Variants in ARL15 observed in about 807,000 individuals in gnomAD.
The protein encoded by ARL15 is ARF like GTPase 15, also known as ADP-ribosylation factor-like protein 15.
ARL15 carries 19 observed loss-of-function variants against 25.2 expected under a neutral mutation model. The ratio of observed to expected loss-of-function variants is 0.75; its 90% CI spans 0.53 to 1.10. The LOEUF (loss-of-function observed/expected upper bound fraction) is 1.10, where lower values mean the gene tolerates loss of function less well. Ranked by LOEUF, ARL15 falls within the 50% of genes least tolerant of loss-of-function variation. The probability of loss-of-function intolerance (pLI) is 0.00; values close to 1 mark genes in which losing one functional copy is unlikely to be tolerated. For synonymous variants in ARL15, 94 were observed against 86.8 expected, an observed-to-expected ratio of 1.08 and a Z score of -0.46; for missense variants, 220 against 246.0, an observed-to-expected ratio of 0.89 and a Z score of 0.71.
chr5:54,072,150 A>G (rs1363807529), intron 4 of ARL15, among the ~76,000 whole-genome samples: 1 of 152,142 alleles, frequency 6.6e-6, no homozygotes, highest in African/African-American at 2.4e-5. Flanking sequence ...AAGAGGTTTT[A>G]GGATATGTCT....
chr5:54,107,275 C>T (rs1752618682), intron 4 of ARL15, among the ~76,000 whole-genome samples: 1 of 152,022 alleles, frequency 6.6e-6, no homozygotes, highest in Admixed American at 6.6e-5. Context: ...CTGGGAGATA[C>T]AATTCAAGTT....
intron 1 of ARL15, among the ~76,000 whole-genome samples, chr5:54,208,408 A>ACACACACG (rs1480286582): frequency 1.3e-5 from 2 of 151,964 alleles, no homozygotes; most frequent in African/African-American, 4.8e-5. Context: ...ACATGCGCAC[A>ACACACACG]CACACACGCA....
chr5:53,933,368 C>T (rs1024625361), intron 4 of ARL15, among the ~76,000 whole-genome samples: 7 of 151,904 alleles, frequency 4.6e-5, no homozygotes, highest in Admixed American at 6.6e-5. Context: ...AGAAAAAGGC[C>T]GGGCGCGGTG....
intron 1 of ARL15, among the ~76,000 whole-genome samples, chr5:54,214,662 G>C (rs1463298552): frequency 6.6e-6 from 1 of 152,166 alleles, no homozygotes; most frequent in Non-Finnish European, 1.5e-5. Context: ...CGCACACCAT[G>C]TTTAACACGA....
intron 4 of ARL15, among the ~76,000 whole-genome samples, chr5:54,074,599 C>T (rs2112085153): frequency 6.6e-6 from 1 of 152,108 alleles, no homozygotes; most frequent in Non-Finnish European, 1.5e-5. Flanking sequence ...AGTGTCTTTC[C>T]CTGATGAAAT....
chr5:54,080,951 C>A (rs992863096), intron 4 of ARL15, among the ~76,000 whole-genome samples: 5 of 152,212 alleles, frequency 3.3e-5, no homozygotes, highest in South Asian at 2.1e-4. Flanking sequence ...CACTTCCTAG[C>A]TGTGTCTTCA....
At chr5:54,257,625 T>C (rs1317301165) in intron 1 of ARL15, among the ~76,000 whole-genome samples, 2 of 152,236 alleles carry the variant, frequency 1.3e-5, no homozygotes, top group African/African-American at 4.8e-5. Flanking sequence ...AGTTGTATGA[T>C]GCATTTTTAT....
At chr5:54,112,048 C>G (rs1430540470) in intron 4 of ARL15, among the ~76,000 whole-genome samples, 1 of 152,034 alleles carries the variant, frequency 6.6e-6, no homozygotes. Context: ...AAAGGTGCTA[C>G]GTACTTAATG....
chr5:53,929,689 T>C (rs1746138788), intron 4 of ARL15, among the ~76,000 whole-genome samples: 1 of 152,196 alleles, frequency 6.6e-6, no homozygotes, highest in Non-Finnish European at 1.5e-5. Flanking sequence ...AGCTTGGTCA[T>C]GGGGGACAGG....
At chr5:54,191,973 C>G (rs1251572230) in intron 1 of ARL15, among the ~76,000 whole-genome samples, 1 of 152,102 alleles carries the variant, frequency 6.6e-6, no homozygotes, top group African/African-American at 2.4e-5. Flanking sequence ...TCCTTCCTCC[C>G]CCACTCCTAA....
At chr5:54,020,585 A>T (rs1457808051) in intron 4 of ARL15, among the ~76,000 whole-genome samples, 2 of 152,232 alleles carry the variant, frequency 1.3e-5, no homozygotes, top group Admixed American at 1.3e-4. Context: ...TTCATGAAAT[A>T]ATAGCCAAAG....
At chr5:54,204,732 A>G (rs1181385184) in intron 1 of ARL15, among the ~76,000 whole-genome samples, 2 of 152,192 alleles carry the variant, frequency 1.3e-5, no homozygotes, top group African/African-American at 4.8e-5. Flanking sequence ...AGCACACCGT[A>G]GGTATTGTGG....
intron 2 of ARL15, among the ~76,000 whole-genome samples, chr5:54,167,054 G>A (rs1161926086): frequency 6.6e-6 from 1 of 152,162 alleles, no homozygotes; most frequent in Non-Finnish European, 1.5e-5. Flanking sequence ...ACCTTGCCAA[G>A]TACTCTACCC....
At chr5:54,195,197 A>C (rs907483961) in intron 1 of ARL15, among the ~76,000 whole-genome samples, 7 of 152,194 alleles carry the variant, frequency 4.6e-5, no homozygotes, top group African/African-American at 1.7e-4. Context: ...TTCACTATGT[A>C]CAAGCCAAAT....
intron 1 of ARL15, among the ~76,000 whole-genome samples, chr5:54,238,232 AT>A (rs1171333361): frequency 2.0e-5 from 3 of 152,130 alleles, no homozygotes; most frequent in Non-Finnish European, 2.9e-5. Context: ...AAGTCACTCA[AT>A]TTTTTATAAG....
At chr5:54,080,893 C>T (rs577762011) in intron 4 of ARL15, among the ~76,000 whole-genome samples, 6 of 152,278 alleles carry the variant, frequency 3.9e-5, no homozygotes, top group Non-Finnish European at 5.9e-5. Context: ...ACGATCAAGA[C>T]GCCAAATGGT....
At chr5:53,928,785 T>C (rs1399023210) in intron 4 of ARL15, among the ~76,000 whole-genome samples, 3 of 152,208 alleles carry the variant, frequency 2.0e-5, no homozygotes, top group Non-Finnish European at 4.4e-5. Flanking sequence ...CCACAGAGCT[T>C]CTGTGCTGTC....
At chr5:54,145,026 T>A (rs1753866018) in intron 3 of ARL15, among the ~76,000 whole-genome samples, 1 of 152,210 alleles carries the variant, frequency 6.6e-6, no homozygotes, top group Admixed American at 6.5e-5. Flanking sequence ...CTTTTCTTTG[T>A]TGAGGATTTA....
At chr5:54,126,577 T>A (rs1753258460) in intron 3 of ARL15, among the ~76,000 whole-genome samples, 1 of 152,234 alleles carries the variant, frequency 6.6e-6, no homozygotes, top group Non-Finnish European at 1.5e-5. Flanking sequence ...ATTGGGAACT[T>A]GGTCCTCAAT....
Sources: allele counts gnomAD v4.1 joint callset (sites outside exome capture counted in the v4.1 genomes callset), GRCh38; gene constraint gnomAD v4.1.1; transcripts MANE v1.5; gene names NCBI Gene and HGNC (gene_info 2026-07-23, HGNC 2026-07-21).